Variants in DCC observed in about 807,000 individuals in gnomAD.
The protein encoded by DCC is DCC netrin 1 receptor, also known as netrin receptor DCC.
A neutral mutation model predicts 172.5 loss-of-function variants in DCC; 58 were observed. That is an observed-to-expected ratio of 0.34 (90% CI 0.27 to 0.42). DCC has a LOEUF of 0.42. Ranked by LOEUF, DCC falls within the 10% of genes least tolerant of loss-of-function variation. DCC has a pLI of 1.00. For missense variants in DCC, 1,740 were observed against 1,791.0 expected, an observed-to-expected ratio of 0.97 and a Z score of 0.51; for synonymous variants, 709 against 644.5, an observed-to-expected ratio of 1.10 and a Z score of -1.52.
intron 5 of DCC, among the ~76,000 whole-genome samples, chr18:52,996,795 T>C (rs1326760078): frequency 1.4e-5 from 2 of 145,164 alleles, no homozygotes; most frequent in Non-Finnish European, 1.5e-5. Flanking sequence ...TTTTTTTGCC[T>C]CTCTCTGAAG....
At chr18:53,487,527 C>T (rs955538323) in intron 26 of DCC, among the ~76,000 whole-genome samples, 1 of 115,808 alleles carries the variant, frequency 8.6e-6, no homozygotes, top group African/African-American at 3.2e-5. Flanking sequence ...TGCCATTTGA[C>T]TCTTTTTTTT....
intron 8 of DCC, among the ~76,000 whole-genome samples, chr18:53,160,630 G>A (rs1407974128): frequency 6.6e-6 from 1 of 152,090 alleles, no homozygotes; most frequent in Non-Finnish European, 1.5e-5. Context: ...TAAATTCATA[G>A]CTACTAATCT....
At chr18:52,985,476 T>G (rs1404380989) in intron 5 of DCC, among the ~76,000 whole-genome samples, 1 of 152,098 alleles carries the variant, frequency 6.6e-6, no homozygotes, top group East Asian at 1.9e-4. Flanking sequence ...AGGCAATGTT[T>G]CATTTTGGAA....
chr18:53,041,380 G>GT (rs1425161767), intron 5 of DCC, among the ~76,000 whole-genome samples: 5 of 152,036 alleles, frequency 3.3e-5, no homozygotes, highest in Admixed American at 3.3e-4. Flanking sequence ...TTATATATCT[G>GT]TTTTGGTACC....
At chr18:53,178,055 G>C (rs2144474789) in intron 8 of DCC, among the ~76,000 whole-genome samples, 1 of 152,194 alleles carries the variant, frequency 6.6e-6, no homozygotes, top group South Asian at 2.1e-4. Context: ...TCTAGATATA[G>C]AAACCTTGAG....
intron 2 of DCC, among the ~76,000 whole-genome samples, chr18:52,789,126 T>C (rs2037713928): frequency 6.6e-6 from 1 of 152,122 alleles, no homozygotes; most frequent in Non-Finnish European, 1.5e-5. Context: ...TAAAGCTCTA[T>C]CATGATGCGA....
intron 1 of DCC, among the ~76,000 whole-genome samples, chr18:52,541,693 G>A (rs1446566850): frequency 6.6e-6 from 1 of 151,818 alleles, no homozygotes; most frequent in African/African-American, 2.4e-5. Flanking sequence ...TAAGAAGCAG[G>A]ACTTGGCTTT....
intron 12 of DCC, among the ~76,000 whole-genome samples, chr18:53,226,932 G>GTATATATATATA (rs1452126370): frequency 8.4e-5 from 5 of 59,240 alleles, no homozygotes; most frequent in South Asian, 1.1e-3. Context: ...GTGTGTGTGT[G>GTATATATATATA]TGTATATATA....
chr18:53,024,440 A>G lies in DCC; in HGVS notation c.986-38865A>G, dbSNP rs2041928106. On this transcript the variant is annotated intron_variant, in intron 5 of 28. Coordinates refer to ENST00000442544, the MANE Select transcript of DCC (RefSeq NM_005215.4). ...TTTGTGAGGTTACTGTAAATATGTT[A>G]CATTTGCATAGCTCTGAACAGTATT... Among the ~76,000 whole-genome samples, 3 of 152,146 alleles carry G rather than the reference A, an allele frequency of 2.0e-5. No individual in the cohort carries two copies. In the South Asian group the frequency reaches 6.2e-4, roughly 32 times the overall value.
At chr18:53,172,584 C>T (rs2055029791) in intron 8 of DCC, among the ~76,000 whole-genome samples, 1 of 152,110 alleles carries the variant, frequency 6.6e-6, no homozygotes, top group Non-Finnish European at 1.5e-5. Context: ...AGAATAAAGT[C>T]AATTATGAAA....
At chr18:52,495,644 C>A (rs1412742277) in intron 1 of DCC, among the ~76,000 whole-genome samples, 2 of 152,124 alleles carry the variant, frequency 1.3e-5, no homozygotes, top group Non-Finnish European at 2.9e-5. Context: ...AAATTTCAAA[C>A]AATGTCATTT....
chr18:53,110,039 T>C (rs187617100), intron 7 of DCC, among the ~76,000 whole-genome samples: 1 of 151,844 alleles, frequency 6.6e-6, no homozygotes, highest in African/African-American at 2.4e-5. Flanking sequence ...ATAGAAGTCC[T>C]AATTTGAATG....
At chr18:52,636,777 C>T (rs1036356647) in intron 1 of DCC, among the ~76,000 whole-genome samples, 4 of 152,158 alleles carry the variant, frequency 2.6e-5, no homozygotes, top group African/African-American at 9.7e-5. Flanking sequence ...CTTGGGAGTT[C>T]TAGGGCCCCG....
At chr18:52,434,264 T>C (rs1018212333) in intron 1 of DCC, among the ~76,000 whole-genome samples, 1 of 152,168 alleles carries the variant, frequency 6.6e-6, no homozygotes, top group Non-Finnish European at 1.5e-5. Context: ...CATTTGGCAA[T>C]GTCTAGAGAT....
intron 7 of DCC, among the ~76,000 whole-genome samples, chr18:53,135,583 C>T (rs1236742133): frequency 6.6e-6 from 1 of 152,066 alleles, no homozygotes; most frequent in South Asian, 2.1e-4. Context: ...ACGAATATTG[C>T]CACCTAGGGC....
intron 7 of DCC, among the ~76,000 whole-genome samples, chr18:53,140,869 A>T (rs34759354): frequency 0.053 from 8,133 of 152,234 alleles, 286 homozygotes; most frequent in East Asian, 0.11. Flanking sequence ...GATTTATTCA[A>T]TAAATTGTAG....
intron 1 of DCC, among the ~76,000 whole-genome samples, chr18:52,478,145 C>T (rs1598849809): frequency 6.6e-6 from 1 of 152,216 alleles, no homozygotes; most frequent in South Asian, 2.1e-4. Context: ...TACAATCCTA[C>T]ATTTTATATA....
intron 1 of DCC, among the ~76,000 whole-genome samples, chr18:52,435,547 C>A (rs898566626): frequency 6.6e-6 from 1 of 152,204 alleles, no homozygotes; most frequent in African/African-American, 2.4e-5. Context: ...GCTCACCCAG[C>A]TCTGACTGGT....
chr18:53,453,417 G>A (rs752193653), intron 23 of DCC, among the ~76,000 whole-genome samples: 2 of 152,080 alleles, frequency 1.3e-5, no homozygotes, highest in Admixed American at 6.5e-5. Context: ...ACGCATTCAC[G>A]AGCTTCTTCA....
Sources: gnomAD v4.1 joint callset for allele counts (sites outside exome capture counted in the v4.1 genomes callset) on GRCh38, gnomAD v4.1.1 for gene constraint, MANE v1.5 for transcripts, NCBI Gene and HGNC (gene_info 2026-07-23, HGNC 2026-07-21) for gene names.